The following PCDH7 variants were observed in gnomAD, a reference collection of about 807,000 sequenced individuals.
PCDH7 encodes the protein protocadherin 7.
In PCDH7, 17 loss-of-function variants were observed where a neutral mutation model predicts 58.9. That is an observed-to-expected ratio of 0.29 (90% CI 0.20 to 0.43). PCDH7 has a LOEUF of 0.43. Ranked by LOEUF, PCDH7 falls within the 20% of genes least tolerant of loss-of-function variation. PCDH7 has a pLI of 1.00. For missense variants in PCDH7, 1,274 were observed against 1,441.0 expected (o/e 0.88, Z 1.88); for synonymous variants, 664 against 616.4 (o/e 1.08, Z -1.14).
chr4:30,807,385 C>A (rs1004928980), intron 1 of PCDH7, among the ~76,000 whole-genome samples: 1 of 152,106 alleles, frequency 6.6e-6, no homozygotes, highest in Non-Finnish European at 1.5e-5. Context: ...TCATTATTTT[C>A]GAAGCAATGA....
At chr4:31,082,579 CA>C (rs1306964720) in intron 3 of PCDH7, among the ~76,000 whole-genome samples, 1 of 152,170 alleles carries the variant, frequency 6.6e-6, no homozygotes, top group African/African-American at 2.4e-5. Context: ...CAAATCATGA[CA>C]TTATCAGAAG....
rs1714128844 is a variant in PCDH7, at chr4:30,723,625, G to A, written c.2203G>A (p.Glu735Lys). 6.2e-7 allele frequency: 1 copy of A among 1,614,060 alleles called. No homozygotes were observed. Among genetic ancestry groups the A allele is most frequent in the Non-Finnish European group, 8.5e-7 (1 of 1,180,046 alleles). ...TACAGTCTCGCTTTTTGTGATGGAT[G>A]AAAATGACAATGCTCCCACAGTTAC... The change falls in exon 1 of 2, where the codon GAA becomes AAA. Residue 735 changes from glutamate (E) to lysine (K), a missense_variant. Glu to Lys is a moderately conservative substitution (Grantham distance 56). This residue lies in a region of PCDH7 where 731 missense variants were observed against 881.9 expected (regional missense o/e 0.83). Coordinates refer to ENST00000361762, the Ensembl canonical transcript of PCDH7. This position sits in a 1 kb window ranked among gnomAD's most constrained non-coding sequence, Gnocchi z 4.6.
chr4:31,040,738 T>C (rs1019052628), intron 3 of PCDH7, among the ~76,000 whole-genome samples: 1 of 151,564 alleles, frequency 6.6e-6, no homozygotes. Context: ...ATACGAACAA[T>C]TTGAGTTAAA....
intron 1 of PCDH7, among the ~76,000 whole-genome samples, chr4:30,843,812 T>C (rs1030707784): frequency 3.9e-5 from 6 of 152,084 alleles, no homozygotes; most frequent in Non-Finnish European, 8.8e-5. Flanking sequence ...GACTGCACTT[T>C]CTCTTACAGA....
rs867320567 is a variant in PCDH7 at position 30,978,863 on chromosome 4, C to G, written c.*7+28648C>G. Among the ~76,000 whole-genome samples the G allele has an allele frequency of 5.3e-5, 8 of 152,086 alleles. No homozygotes were observed. The South Asian group carries it at 1.0e-3, about 20-fold the overall frequency. The stretch of plus-strand genomic sequence containing the variant: ...CTAAATAACAAAGACACAATTTTCA[C>G]TGATGTAAAATAAGGGGATTATAAT... On this transcript the variant is annotated intron_variant, in intron 3 of 3. Transcript: ENST00000509759.
At chr4:30,814,406 C>T (rs1367833750) in intron 1 of PCDH7, among the ~76,000 whole-genome samples, 1 of 151,966 alleles carries the variant, frequency 6.6e-6, no homozygotes, top group Non-Finnish European at 1.5e-5. Flanking sequence ...ATTATTAGCT[C>T]GTTTAGTTGT....
intron 1 of PCDH7, among the ~76,000 whole-genome samples, chr4:30,828,483 A>G (rs1292906146): frequency 6.6e-6 from 1 of 152,032 alleles, no homozygotes; most frequent in Admixed American, 6.6e-5. Flanking sequence ...TTACCTCATT[A>G]ATAGTCTTCT....
At chr4:30,816,766 G>C (rs1316606362) in intron 1 of PCDH7, among the ~76,000 whole-genome samples, 1 of 152,054 alleles carries the variant, frequency 6.6e-6, no homozygotes, top group Non-Finnish European at 1.5e-5. Context: ...ACGATGAAGA[G>C]TTAGAAGGAA....
At chr4:30,825,937 T>A (rs1387126495) in intron 1 of PCDH7, among the ~76,000 whole-genome samples, 1 of 152,148 alleles carries the variant, frequency 6.6e-6, no homozygotes, top group Non-Finnish European at 1.5e-5. Flanking sequence ...TTCTTTAAAT[T>A]TGGCTTCTGG....
chr4:30,809,732 G>A (rs540669974), intron 1 of PCDH7, among the ~76,000 whole-genome samples: 47 of 152,152 alleles, frequency 3.1e-4, no homozygotes, highest in African/African-American at 1.1e-3. Flanking sequence ...TGCTGCATGG[G>A]TATTCTTTAC....
chr4:30,853,111 A>G (rs1732991640), intron 1 of PCDH7, among the ~76,000 whole-genome samples: 1 of 152,108 alleles, frequency 6.6e-6, no homozygotes, highest in Admixed American at 6.6e-5. Context: ...AGTATTTGCC[A>G]TTTCTGGCTT....
intron 3 of PCDH7, among the ~76,000 whole-genome samples, chr4:30,981,170 T>G (rs1214694678): frequency 1.3e-5 from 2 of 152,172 alleles, no homozygotes; most frequent in Admixed American, 1.3e-4. Flanking sequence ...CATGAACGTT[T>G]AAAAGAAAAG....
Position 31,142,458 on chromosome 4 carries a change from C to A in PCDH7, c.*8-15C>A. ...GAGTGTCAAATACTAATGGCTTATTCTCCTTGGATTTCAGATTCAAGGCCT... is the reference window on the plus strand; with the variant it reads ...GAGTGTCAAATACTAATGGCTTATTATCCTTGGATTTCAGATTCAAGGCCT... On this transcript the variant is annotated splice_polypyrimidine_tract_variant and intron_variant, in intron 3 of 3. Coordinates refer to the PCDH7 transcript ENST00000509759. 1 of 1,362,262 alleles carries A rather than the reference C, an allele frequency of 7.3e-7. No individual in the cohort carries two copies. Among genetic ancestry groups the A allele is most frequent in the Non-Finnish European group, 9.8e-7 (1 of 1,019,290 alleles). 84.4% of individuals were successfully genotyped at this position (1,362,262 alleles called of 1,614,324 possible).
chr4:31,107,477 T>C (rs1432172344), intron 3 of PCDH7, among the ~76,000 whole-genome samples: 2 of 152,214 alleles, frequency 1.3e-5, no homozygotes, highest in Non-Finnish European at 2.9e-5. Flanking sequence ...AATCTCCTGC[T>C]TGCTTAGCTC....
chr4:30,898,837 C>T (rs1251479415), intron 1 of PCDH7, among the ~76,000 whole-genome samples: 5 of 152,098 alleles, frequency 3.3e-5, no homozygotes, highest in East Asian at 3.9e-4. Flanking sequence ...GTGATCCGCC[C>T]GCCTCGGCCT....
chr4:30,998,554 C>T (rs555759307), intron 3 of PCDH7, among the ~76,000 whole-genome samples: 1 of 151,922 alleles, frequency 6.6e-6, no homozygotes, highest in African/African-American at 2.4e-5. Flanking sequence ...ATCACCTGGC[C>T]AAAAATGCCA....
At position 30,840,258 on chromosome 4, in the gene PCDH7, T is replaced by C. The variant is rs1401556363; in HGVS notation, c.71-79895T>C. 2.6e-5 allele frequency among the ~76,000 whole-genome samples: 4 copies of C among 152,148 alleles called. No individual in the cohort carries two copies. The East Asian group carries it at 7.7e-4, about 29-fold the overall frequency. ...CTGTCTTAGCATTTCCACTTGACTTTGGTGCCTTGTCTCCCTGCCTTGCTC... is the reference window on the plus strand; with the variant it reads ...CTGTCTTAGCATTTCCACTTGACTTCGGTGCCTTGTCTCCCTGCCTTGCTC... On this transcript the variant is annotated intron_variant, in intron 1 of 3. Transcript: ENST00000509759.
chr4:30,871,866 G>A (rs543575908), intron 1 of PCDH7, among the ~76,000 whole-genome samples: 9 of 152,038 alleles, frequency 5.9e-5, no homozygotes, highest in African/African-American at 2.2e-4. Context: ...TCAATCCTTG[G>A]CACTCATTGG....
chr4:31,090,053 C>T (rs907488643), intron 3 of PCDH7, among the ~76,000 whole-genome samples: 2 of 151,934 alleles, frequency 1.3e-5, no homozygotes, highest in East Asian at 1.9e-4. Flanking sequence ...AAGTCATCAC[C>T]CCTTTCTCTC....
Sources: allele counts gnomAD v4.1 joint callset (sites outside exome capture counted in the v4.1 genomes callset), GRCh38; gene constraint gnomAD v4.1.1; regional missense constraint gnomAD v4.1.1; non-coding constraint Gnocchi (gnomAD v3.1); transcripts MANE v1.5; gene names NCBI Gene and HGNC (gene_info 2026-07-23, HGNC 2026-07-21).